The following ANO7 variants were observed in gnomAD, a reference collection of about 807,000 sequenced individuals.
The protein encoded by ANO7 is anoctamin-7.
A neutral mutation model predicts 115.8 loss-of-function variants in ANO7; 114 were observed. The observed-to-expected ratio is 0.98, with a 90% confidence interval of 0.85 to 1.15. ANO7 has a LOEUF of 1.15. ANO7 is among the 50% of genes most tolerant of loss of function. The probability of loss-of-function intolerance (pLI) is 0.00; values close to 1 mark genes in which losing one functional copy is unlikely to be tolerated. For synonymous variants in ANO7, 550 were observed against 498.2 expected (o/e 1.10, Z -1.38); for missense variants, 1,302 against 1,201.2 (o/e 1.08, Z -1.24).
chr2:241,199,487 C>A, intron 5 of ANO7, 64 bp downstream of exon 5: 1 of 1,534,268 alleles, frequency 6.5e-7, no homozygotes, highest in Non-Finnish European at 9.0e-7. Flanking sequence ...CTGCGTTCAG[C>A]TGCCAGTGCC....
At chr2:241,219,731 C>CTTTTTT (rs11299376) in intron 21 of ANO7, among the ~76,000 whole-genome samples, 3 of 113,958 alleles carry the variant, frequency 2.6e-5, no homozygotes, top group African/African-American at 6.7e-5. Context: ...CCAGGCCTGG[C>CTTTTTT]TTTTTTTTTT....
chr2:241,228,104 A>G (rs1002176290), downstream of ANO7: 4 of 152,206 alleles, frequency 2.6e-5, no homozygotes, highest in Admixed American at 1.3e-4. Context: ...GAGTTATTCA[A>G]CTGAGAGTGA....
the ANO7 span, chr2:241,236,429 G>C: frequency 1.6e-6 from 1 of 628,550 alleles, no homozygotes; most frequent in Non-Finnish European, 2.8e-6. Flanking sequence ...GTGAAGGGAA[G>C]TGGCCTCCCC....
chr2:241,200,333 T>G, intron 6 of ANO7, 108 bp downstream of exon 6: 1 of 1,434,518 alleles, frequency 7.0e-7, no homozygotes, highest in East Asian at 2.4e-5. Flanking sequence ...ACCTGGAGTT[T>G]TCGGCAGGGA....
chr2:241,200,895 C>T (rs758286550), intron 6 of ANO7, among the ~76,000 whole-genome samples: 1 of 152,256 alleles, frequency 6.6e-6, no homozygotes, highest in Non-Finnish European at 1.5e-5. Context: ...GCACTGCCCA[C>T]GAGCACCCTC....
At chr2:241,207,549 C>T (rs1323273704) in intron 10 of ANO7, 25 bp from the exon 11 acceptor site, 1 of 1,607,148 alleles carries the variant, frequency 6.2e-7, no homozygotes, top group East Asian at 2.2e-5. Flanking sequence ...CATTAGCTCC[C>T]ACCCCTCCGC....
In ANO7 at chr2:241,207,641, C is replaced by T. The variant is rs1473194141; in HGVS notation, c.1048C>T (p.Leu350=). The change falls in exon 11 of 25, where the codon CTG becomes TTG. Residue 350 remains leucine (L), a synonymous_variant. Coordinates refer to ENST00000674324, the MANE Select transcript of ANO7 (RefSeq NM_001370694.2). ...CPLCLDCPFW[L]LSSACALAQA... is the part of the protein sequence containing the mutation. ...ACTTTGCCTCGACTGCCCTTTCTGGCTGCTCTCCAGCGCCTGTGCCCTGGC... is the reference window on the plus strand; with the variant it reads ...ACTTTGCCTCGACTGCCCTTTCTGGTTGCTCTCCAGCGCCTGTGCCCTGGC... 6 of 1,613,734 alleles carry T rather than the reference C, an allele frequency of 3.7e-6. No individual in the cohort carries two copies. The highest frequency in any genetic ancestry group is 5.1e-6 in the Non-Finnish European group (6 of 1,179,986).
At chr2:241,189,898 T>G (rs902342457) in intron 1 of ANO7, among the ~76,000 whole-genome samples, 159 bp from the exon 2 acceptor site, 4 of 152,100 alleles carry the variant, frequency 2.6e-5, no homozygotes, top group Non-Finnish European at 5.9e-5. Context: ...GTTCTCCATG[T>G]GCTCATGGCC....
intron 17 of ANO7, among the ~76,000 whole-genome samples, 155 bp from the exon 18 acceptor site, chr2:241,214,650 G>A (rs552422954): frequency 5.9e-5 from 9 of 152,172 alleles, no homozygotes; most frequent in Non-Finnish European, 1.3e-4. Flanking sequence ...GGGAGGGAGT[G>A]TTATGGTGGG....
chr2:241,229,795 C>CCCCCCCGGA, downstream of ANO7: 1 of 1,561,874 alleles, frequency 6.4e-7, no homozygotes, highest in South Asian at 1.2e-5. Context: ...CCCGCCCACC[C>CCCCCCCGGA]TCCCTGGGAC....
chr2:241,199,972 C>T lies in ANO7; in HGVS notation c.418-117C>T, dbSNP rs1281081539. 4 of 1,252,772 alleles carry T rather than the reference C, an allele frequency of 3.2e-6. No individual in the cohort carries two copies. The Admixed American group carries it at 9.1e-5, about 29-fold the overall frequency. 77.6% of individuals were successfully genotyped at this position (1,252,772 alleles called of 1,614,324 possible). On this transcript the variant is annotated intron_variant, in intron 5 of 24. Coordinates refer to ENST00000674324, the MANE Select transcript of ANO7 (RefSeq NM_001370694.2). ...TCACAGGGTCTACCACGCTCCTTCC[C>T]TCTGCTGGAGCCCCTTCGCCCATTG... is the stretch of plus-strand genomic sequence containing the variant.
Position 241,224,521 on chromosome 2 carries a change from G to A in ANO7, c.*368G>A, listed in dbSNP as rs61732739. The A allele has an allele frequency of 5.8e-5, 16 of 276,432 alleles. No homozygotes were observed. The highest frequency in any genetic ancestry group is 2.4e-4 in the South Asian group (5 of 20,534). 17.1% of individuals were successfully genotyped at this position (276,432 alleles called of 1,614,324 possible). On this transcript the variant is annotated 3_prime_UTR_variant, in exon 25 of 25. Transcript: ENST00000674324. The stretch of plus-strand genomic sequence containing the variant: ...GGTCCTCGCCGCCCCTGGCCACATC[G>A]CCCTCTCCTCTTACACCTGGTGACC...
At chr2:241,221,729 G>A (rs1157967743) in intron 21 of ANO7, among the ~76,000 whole-genome samples, 3 of 151,862 alleles carry the variant, frequency 2.0e-5, no homozygotes, top group Non-Finnish European at 2.9e-5. Context: ...CAAGGCTGGA[G>A]TGCAGTGGCA....
At chr2:241,190,516 G>A (rs994005556) in intron 2 of ANO7, among the ~76,000 whole-genome samples, 4 of 152,234 alleles carry the variant, frequency 2.6e-5, no homozygotes, top group Non-Finnish European at 4.4e-5. Context: ...AGCACCCAGG[G>A]CCATCTGTAG....
chr2:241,211,701 C>T lies in ANO7; in HGVS notation c.1562-393C>T, dbSNP rs539289030. Among the ~76,000 whole-genome samples the T allele has an allele frequency of 2.0e-5, 3 of 152,176 alleles. No individual in the cohort carries two copies. The East Asian group carries it at 5.8e-4, about 29-fold the overall frequency. Reference sequence around the variant, plus strand: ...ATTTGTTTCTGCAACTGTGGGGTTGCTGTGGGGTGTTGAGCCTCCCTCTTT... The same window carrying T: ...ATTTGTTTCTGCAACTGTGGGGTTGTTGTGGGGTGTTGAGCCTCCCTCTTT... On this transcript the variant is annotated intron_variant, in intron 15 of 24. Coordinates refer to ENST00000674324, the MANE Select transcript of ANO7 (RefSeq NM_001370694.2).
At chr2:241,205,300 T>A (rs539294942) in intron 10 of ANO7, among the ~76,000 whole-genome samples, 3 of 143,674 alleles carry the variant, frequency 2.1e-5, no homozygotes, top group Non-Finnish European at 4.5e-5. Context: ...TCAGGAGTGC[T>A]CCCAGGCTGG....
downstream of ANO7, among the ~76,000 whole-genome samples, chr2:241,226,518 G>A (rs566878954): frequency 1.8e-3 from 279 of 151,706 alleles, no homozygotes; most frequent in Middle Eastern, 0.014. Context: ...TCTGCCTCCC[G>A]GGTTCACGCC....
intron 15 of ANO7, among the ~76,000 whole-genome samples, 198 bp downstream of exon 15, chr2:241,210,768 C>T (rs2068703945): frequency 6.6e-6 from 1 of 152,240 alleles, no homozygotes; most frequent in Non-Finnish European, 1.5e-5. Flanking sequence ...TAGCCTTGAC[C>T]TCCCAGGCTC....
chr2:241,206,389 G>A (rs1435237883), intron 10 of ANO7, among the ~76,000 whole-genome samples: 1 of 21,674 alleles, frequency 4.6e-5, no homozygotes, highest in Non-Finnish European at 8.0e-5. Flanking sequence ...CAGTCTGACA[G>A]GTGGACAGGA....
Sources: gnomAD v4.1 joint callset for allele counts (sites outside exome capture counted in the v4.1 genomes callset) on GRCh38, gnomAD v4.1.1 for gene constraint, MANE v1.5 for transcripts, NCBI Gene and HGNC (gene_info 2026-07-23, HGNC 2026-07-21) for gene names.